CHLSN: variants seen among roughly 807,000 people sequenced by gnomAD.
The protein encoded by CHLSN is protein cholesin.
At chr7:1,002,226 TGA>T in the CHLSN span, among the ~76,000 whole-genome samples, 1 of 76,436 alleles carries the variant, frequency 1.3e-5, no homozygotes, top group Admixed American at 1.3e-4. Flanking sequence ...GTCCTGCGGG[TGA>T]GTGGAGTCCT....
At chr7:987,246 G>A in the CHLSN span, 1 of 1,519,060 alleles carries the variant, frequency 6.6e-7, no homozygotes, top group Non-Finnish European at 8.8e-7. Context: ...GACGTGCAGG[G>A]TGAGACCCCG....
At chr7:1,046,691 T>C in the CHLSN span, among the ~76,000 whole-genome samples, 1 of 151,804 alleles carries the variant, frequency 6.6e-6, no homozygotes, top group East Asian at 1.9e-4. Context: ...AAATACCCCC[T>C]TGAGCAGCAG....
chr7:1,093,742 A>G, the CHLSN span: 3 of 456,504 alleles, frequency 6.6e-6, no homozygotes, highest in African/African-American at 6.0e-5. Flanking sequence ...AAACCTTCCC[A>G]TAAAATGTAA....
the CHLSN span, among the ~76,000 whole-genome samples, chr7:1,098,532 G>A: frequency 1.3e-5 from 2 of 152,236 alleles, no homozygotes; most frequent in Non-Finnish European, 2.9e-5. Flanking sequence ...GGGAGATAAA[G>A]CAGACACGAG....
chr7:1,040,238 C>G, the CHLSN span, among the ~76,000 whole-genome samples: 2,108 of 150,878 alleles, frequency 0.014, 109 homozygotes, highest in East Asian at 0.19. Flanking sequence ...TACCTGTATT[C>G]CCAGCTGCTT....
At chr7:1,078,552 G>C in the CHLSN span, among the ~76,000 whole-genome samples, 1 of 152,078 alleles carries the variant, frequency 6.6e-6, no homozygotes, top group Non-Finnish European at 1.5e-5. Flanking sequence ...CCACACTCCC[G>C]TGACCACAGG....
chr7:1,114,806 G>T, the CHLSN span, among the ~76,000 whole-genome samples: 1 of 152,284 alleles, frequency 6.6e-6, no homozygotes, highest in East Asian at 1.9e-4. Context: ...CGATGGGCAG[G>T]TGTCTGAGGC....
At chr7:1,065,876 A>G in the CHLSN span, among the ~76,000 whole-genome samples, 1 of 152,192 alleles carries the variant, frequency 6.6e-6, no homozygotes, top group Non-Finnish European at 1.5e-5. Flanking sequence ...CGCGATCCAA[A>G]GGCAGCTCCA....
chr7:1,093,895 C>A, the CHLSN span: 6 of 331,018 alleles, frequency 1.8e-5, no homozygotes, highest in Non-Finnish European at 3.6e-5. Flanking sequence ...ATCCCTCCCC[C>A]CTCACAGAAA....
the CHLSN span, among the ~76,000 whole-genome samples, chr7:1,104,338 G>A: frequency 1.3e-5 from 2 of 152,352 alleles, no homozygotes; most frequent in South Asian, 2.1e-4. Flanking sequence ...CTTCGAGGCT[G>A]CAGTGAGCTA....
chr7:992,720 C>A, the CHLSN span, among the ~76,000 whole-genome samples: 1 of 152,218 alleles, frequency 6.6e-6, no homozygotes, highest in Non-Finnish European at 1.5e-5. Context: ...TCCCTCAGAG[C>A]GGGGGTCTTC....
At chr7:1,058,963 G>C in the CHLSN span, 2 of 187,130 alleles carry the variant, frequency 1.1e-5, no homozygotes, top group South Asian at 2.7e-4. Flanking sequence ...CAACAGCCAG[G>C]GTGGCCGGGC....
the CHLSN span, among the ~76,000 whole-genome samples, chr7:1,064,695 G>A: frequency 1.3e-5 from 2 of 152,286 alleles, no homozygotes; most frequent in African/African-American, 2.4e-5. Context: ...CTCCTCCCTC[G>A]GCCGAGTCAC....
At chr7:1,092,033 C>T in the CHLSN span, 14 of 1,613,820 alleles carry the variant, frequency 8.7e-6, no homozygotes, top group East Asian at 2.2e-5. Context: ...ATCAACCTGG[C>T]GGTGGCGGAC....
chr7:1,022,850 C>T, the CHLSN span: 1 of 345,828 alleles, frequency 2.9e-6, no homozygotes, highest in Non-Finnish European at 5.9e-6. Flanking sequence ...CACACTGCAT[C>T]AGAAGACCCA....
the CHLSN span, among the ~76,000 whole-genome samples, chr7:1,023,675 A>ACACACACC: frequency 3.0e-5 from 3 of 98,650 alleles, no homozygotes; most frequent in African/African-American, 1.1e-4. This position sits in a 1 kb window ranked among gnomAD's most constrained non-coding sequence, Gnocchi z 5.0. Flanking sequence ...ACACACACAC[A>ACACACACC]CACCAGCAAC....
At chr7:1,008,945 AC>A in the CHLSN span, among the ~76,000 whole-genome samples, 5 of 150,984 alleles carry the variant, frequency 3.3e-5, no homozygotes, top group South Asian at 2.2e-4. Context: ...GCACACGCAC[AC>A]CCCCTCATGC....
the CHLSN span, among the ~76,000 whole-genome samples, chr7:1,038,981 G>A: frequency 1.4e-5 from 1 of 71,852 alleles, no homozygotes; most frequent in African/African-American, 5.6e-5. Context: ...CCCTCTGCCC[G>A]GCCAGCCGCC....
chr7:1,070,833 A>G, the CHLSN span, among the ~76,000 whole-genome samples: 3 of 96,306 alleles, frequency 3.1e-5, no homozygotes, highest in Non-Finnish European at 6.1e-5. Context: ...GCACACATAT[A>G]CACACAACGC....
Sources: allele counts gnomAD v4.1 joint callset (sites outside exome capture counted in the v4.1 genomes callset), GRCh38; gene constraint gnomAD v4.1.1; non-coding constraint Gnocchi (gnomAD v3.1); transcripts MANE v1.5; gene names NCBI Gene and HGNC (gene_info 2026-07-23, HGNC 2026-07-21).